Variants in ENTREP2 observed in about 807,000 individuals in gnomAD.
ENTREP2 encodes the protein protein ENTREP2.
At chr15:29,626,771 G>A in the ENTREP2 span, among the ~76,000 whole-genome samples, 1 of 152,196 alleles carries the variant, frequency 6.6e-6, no homozygotes, top group Middle Eastern at 3.4e-3. Context: ...CCATTGAGAT[G>A]ATGTCAACTG....
the ENTREP2 span, among the ~76,000 whole-genome samples, chr15:29,216,744 TA>T: frequency 5.9e-5 from 9 of 152,066 alleles, no homozygotes; most frequent in Non-Finnish European, 1.3e-4. Flanking sequence ...TTCCTGATTA[TA>T]AAAGTAACAA....
At chr15:29,212,324 C>G in the ENTREP2 span, among the ~76,000 whole-genome samples, 8 of 152,072 alleles carry the variant, frequency 5.3e-5, no homozygotes, top group African/African-American at 1.9e-4. Flanking sequence ...GTTGTAATAC[C>G]TCCCCCGTTT....
At chr15:29,381,834 G>A in the ENTREP2 span, 11 of 1,551,564 alleles carry the variant, frequency 7.1e-6, no homozygotes, top group Non-Finnish European at 6.1e-6. Flanking sequence ...AGCAGCACCT[G>A]GAAGGACAAA....
At chr15:29,570,160 G>A in the ENTREP2 span, among the ~76,000 whole-genome samples, 2 of 151,518 alleles carry the variant, frequency 1.3e-5, no homozygotes, top group East Asian at 2.0e-4. Context: ...GGCCGCGGCC[G>A]CTCGGATGGC....
At chr15:29,199,000 C>T in the ENTREP2 span, among the ~76,000 whole-genome samples, 3 of 152,308 alleles carry the variant, frequency 2.0e-5, no homozygotes, top group Non-Finnish European at 2.9e-5. Flanking sequence ...TCTCTTGTCA[C>T]GGGACGTTTG....
the ENTREP2 span, among the ~76,000 whole-genome samples, chr15:29,347,349 T>G: frequency 1.3e-5 from 2 of 152,098 alleles, no homozygotes; most frequent in African/African-American, 4.8e-5. Flanking sequence ...ATTTTATTTT[T>G]TATAGAGACA....
the ENTREP2 span, among the ~76,000 whole-genome samples, chr15:29,659,527 G>A: frequency 0.22 from 32,981 of 151,986 alleles, 6,249 homozygotes; most frequent in African/African-American, 0.52. Flanking sequence ...TATCACCACT[G>A]TCTAGGTCAT....
At chr15:29,231,885 C>CTTTCTTTTTTTT in the ENTREP2 span, among the ~76,000 whole-genome samples, 1 of 129,950 alleles carries the variant, frequency 7.7e-6, no homozygotes, top group African/African-American at 3.0e-5. Context: ...GTTTTCTTTT[C>CTTTCTTTTTTTT]TTTTCTTTCT....
the ENTREP2 span, among the ~76,000 whole-genome samples, chr15:29,317,572 T>C: frequency 2.0e-5 from 3 of 152,188 alleles, no homozygotes; most frequent in African/African-American, 7.2e-5. Flanking sequence ...GAATCTCCCA[T>C]TAAAATTATC....
chr15:29,631,905 C>T, the ENTREP2 span, among the ~76,000 whole-genome samples: 1 of 152,200 alleles, frequency 6.6e-6, no homozygotes, highest in Non-Finnish European at 1.5e-5. Context: ...CCCAGGCTGC[C>T]TGCTGCTGCT....
At chr15:29,570,610 C>G in the ENTREP2 span, 1 of 1,449,252 alleles carries the variant, frequency 6.9e-7, no homozygotes, top group Non-Finnish European at 9.1e-7. Context: ...GCGCCATCTG[C>G]GTGGCCCCGA....
the ENTREP2 span, among the ~76,000 whole-genome samples, chr15:29,668,291 T>C: frequency 2.0e-5 from 3 of 151,942 alleles, no homozygotes; most frequent in African/African-American, 7.3e-5. Context: ...CCACCACCAA[T>C]CACAAAGCAG....
chr15:29,331,168 A>G, the ENTREP2 span, among the ~76,000 whole-genome samples: 2 of 152,188 alleles, frequency 1.3e-5, no homozygotes, highest in Admixed American at 1.3e-4. Flanking sequence ...TGATGTATGG[A>G]GGAATAATTT....
the ENTREP2 span, among the ~76,000 whole-genome samples, chr15:29,466,611 T>G: frequency 0.1 from 3,651 of 35,702 alleles, no homozygotes; most frequent in Admixed American, 0.11. Context: ...GCCCCCAGGG[T>G]AGGGCCCAGG....
chr15:29,491,419 A>AT, the ENTREP2 span, among the ~76,000 whole-genome samples: 1 of 152,156 alleles, frequency 6.6e-6, no homozygotes, highest in Non-Finnish European at 1.5e-5. Flanking sequence ...CTGCTAGCAC[A>AT]TTGTCACCTC....
chr15:29,575,825 A>T, the ENTREP2 span, among the ~76,000 whole-genome samples: 4 of 152,238 alleles, frequency 2.6e-5, no homozygotes, highest in Non-Finnish European at 5.9e-5. Context: ...CACTGAAAAC[A>T]TTGCTCAAAT....
the ENTREP2 span, among the ~76,000 whole-genome samples, chr15:29,570,246 G>A: frequency 6.6e-6 from 1 of 151,442 alleles, no homozygotes. Flanking sequence ...GCGGGCGCCT[G>A]GCTGCTGTTT....
the ENTREP2 span, among the ~76,000 whole-genome samples, chr15:29,180,522 G>T: frequency 6.6e-6 from 1 of 151,950 alleles, no homozygotes; most frequent in African/African-American, 2.4e-5. Flanking sequence ...AAATTAGCTG[G>T]GTGTGGTGGC....
At chr15:29,338,732 A>C in the ENTREP2 span, among the ~76,000 whole-genome samples, 1 of 152,196 alleles carries the variant, frequency 6.6e-6, no homozygotes, top group Non-Finnish European at 1.5e-5. Flanking sequence ...ATGAGGAGGG[A>C]CGGGAGTAAA....
Sources: gnomAD v4.1 joint callset for allele counts (sites outside exome capture counted in the v4.1 genomes callset) on GRCh38, gnomAD v4.1.1 for gene constraint, MANE v1.5 for transcripts, NCBI Gene and HGNC (gene_info 2026-07-23, HGNC 2026-07-21) for gene names.